Variants in LDLRAD3 observed in about 807,000 individuals in gnomAD.
LDLRAD3 encodes the protein low density lipoprotein receptor class A domain containing 3.
A neutral mutation model predicts 29.4 loss-of-function variants in LDLRAD3; 20 were observed. The ratio of observed to expected loss-of-function variants is 0.68; its 90% confidence interval spans 0.48 to 0.99. The LOEUF (loss-of-function observed/expected upper bound fraction) is 0.99, where lower values mean the gene tolerates loss of function less well. LDLRAD3 is among the 50% of genes least tolerant of loss of function. The pLI, the probability that LDLRAD3 is intolerant of heterozygous loss-of-function variation, is 0.00. For synonymous variants in LDLRAD3, 157 were observed against 192.7 expected (o/e 0.81, Z 1.53); for missense variants, 420 against 454.3 (o/e 0.92, Z 0.69).
intron 3 of LDLRAD3, 48 bp from the exon 4 acceptor site, chr11:36,098,279 G>A (rs1853393083): frequency 6.2e-7 from 1 of 1,610,120 alleles, no homozygotes; most frequent in Admixed American, 1.7e-5. Context: ...GGGTCCCCAA[G>A]GGAACTTGCT....
chr11:36,210,150 A>T (rs182209491), intron 4 of LDLRAD3, among the ~76,000 whole-genome samples: 225 of 152,332 alleles, frequency 1.5e-3, no homozygotes, highest in Middle Eastern at 3.4e-3. Context: ...GCCCCATAAC[A>T]GTGGCTCAGA....
intron 1 of LDLRAD3, among the ~76,000 whole-genome samples, chr11:36,003,983 A>C (rs1288842235): frequency 6.6e-6 from 1 of 152,158 alleles, no homozygotes; most frequent in East Asian, 1.9e-4. Flanking sequence ...CAAAGGGGAA[A>C]TCTGCCCCAT....
At chr11:36,110,100 G>A (rs1853585758) in intron 4 of LDLRAD3, 1 of 152,194 alleles carries the variant, frequency 6.6e-6, no homozygotes, top group South Asian at 2.1e-4. Flanking sequence ...TACAGGTGGG[G>A]TTTTCTTCTT....
At position 36,229,348 on chromosome 11, in the gene LDLRAD3, C is replaced by G; in HGVS notation, c.989C>G (p.Thr330Ser). The G allele has an allele frequency of 3.1e-6, 5 of 1,614,062 alleles. No individual in the cohort carries two copies. The highest frequency in any genetic ancestry group is 1.1e-5 in the South Asian group (1 of 91,068). ...GGGCAGCCTGGCCCCCAGGAGGGCACTGCTGAGCCCAGGGACTCTGAGCCC... is the reference window on the plus strand; with the variant it reads ...GGGCAGCCTGGCCCCCAGGAGGGCAGTGCTGAGCCCAGGGACTCTGAGCCC... The part of the protein sequence containing the change: ...SPGQPGPQEG[T>S]AEPRDSEPSQ... The change falls in exon 6 of 6, where the codon ACT becomes AGT. Residue 330 changes from threonine to serine, a missense_variant. This residue lies in a region of LDLRAD3 where 140 missense variants were observed against 139.9 expected (regional missense o/e 1.00). Transcript: ENST00000315571.
intron 1 of LDLRAD3, among the ~76,000 whole-genome samples, chr11:35,971,753 C>T (rs1390323174): frequency 1.3e-5 from 2 of 151,980 alleles, no homozygotes; most frequent in Non-Finnish European, 2.9e-5. Context: ...GATAGGGGAG[C>T]AATATTGTGG....
chr11:35,996,925 C>T (rs943444418), intron 1 of LDLRAD3, among the ~76,000 whole-genome samples: 1 of 152,188 alleles, frequency 6.6e-6, no homozygotes, highest in African/African-American at 2.4e-5. Context: ...TGGACTCCTC[C>T]ATGCAGCTTT....
chr11:36,052,496 G>A (rs113314672), intron 2 of LDLRAD3, among the ~76,000 whole-genome samples: 2,697 of 152,260 alleles, frequency 0.018, 71 homozygotes, highest in African/African-American at 0.061. Flanking sequence ...TGGAAGGTGG[G>A]ATAATGATAA....
chr11:36,039,487 A>G (rs1852353342), intron 2 of LDLRAD3, among the ~76,000 whole-genome samples: 1 of 152,190 alleles, frequency 6.6e-6, no homozygotes, highest in South Asian at 2.1e-4. Context: ...TGGGGGTAAT[A>G]AGGCTTCTGA....
At chr11:36,007,145 T>C (rs1372652268) in intron 1 of LDLRAD3, among the ~76,000 whole-genome samples, 11 of 152,198 alleles carry the variant, frequency 7.2e-5, no homozygotes, top group African/African-American at 2.7e-4. Flanking sequence ...CTTCATGGAT[T>C]ACTCTGAGTT....
chr11:36,144,863 GC>G (rs1854153582), intron 4 of LDLRAD3, among the ~76,000 whole-genome samples: 1 of 105,916 alleles, frequency 9.4e-6, no homozygotes, highest in Non-Finnish European at 2.1e-5. Context: ...GGGGGGGTCA[GC>G]CCCCCGCCCG....
chr11:36,061,978 TAA>T (rs571129020), intron 2 of LDLRAD3, among the ~76,000 whole-genome samples: 7 of 143,956 alleles, frequency 4.9e-5, no homozygotes, highest in Admixed American at 2.1e-4. Context: ...TTTGGGAACT[TAA>T]AAAAAAAAAA....
chr11:36,108,319 CAAAAAAAAAAAA>C (rs60376519), intron 4 of LDLRAD3, among the ~76,000 whole-genome samples: 3 of 48,978 alleles, frequency 6.1e-5, no homozygotes, highest in African/African-American at 1.6e-4. Flanking sequence ...GACTCCATCT[CAAAAAAAAAAAA>C]AAAAAAAAAA....
intron 4 of LDLRAD3, among the ~76,000 whole-genome samples, chr11:36,136,698 CTTT>C (rs112022135): frequency 7.0e-6 from 1 of 143,526 alleles, no homozygotes. Flanking sequence ...AACTAATCCT[CTTT>C]TTTTTTTTTT....
intron 3 of LDLRAD3, among the ~76,000 whole-genome samples, chr11:36,096,609 G>T (rs938641451): frequency 1.3e-5 from 2 of 152,212 alleles, no homozygotes; most frequent in African/African-American, 4.8e-5. Context: ...GTCAGACTGG[G>T]CACTGTACAT....
At chr11:36,071,738 C>G (rs1447403199) in intron 2 of LDLRAD3, among the ~76,000 whole-genome samples, 1 of 152,162 alleles carries the variant, frequency 6.6e-6, no homozygotes, top group Admixed American at 6.5e-5. Context: ...ATTGGAGATA[C>G]ACAGTGAACA....
At chr11:36,059,967 A>G (rs1396018278) in intron 2 of LDLRAD3, among the ~76,000 whole-genome samples, 1 of 152,222 alleles carries the variant, frequency 6.6e-6, no homozygotes, top group Non-Finnish European at 1.5e-5. Context: ...TAAAAAGTCT[A>G]AGTGCTTTAC....
intron 1 of LDLRAD3, among the ~76,000 whole-genome samples, chr11:35,970,426 C>T (rs1288879532): frequency 6.6e-6 from 1 of 152,158 alleles, no homozygotes; most frequent in Non-Finnish European, 1.5e-5. Context: ...GGATTGCCAG[C>T]AACCTCCAGA....
rs139532551 is a variant in LDLRAD3, at chr11:36,004,656, G to A, written c.47-31447G>A. 1.3e-4 allele frequency among the ~76,000 whole-genome samples: 20 copies of A among 152,298 alleles called. No individual in the cohort carries two copies. The East Asian group carries it at 3.9e-3, about 29-fold the overall frequency. ...TGCCCCAGTGGTTACTGCGTATAGG[G>A]GCTCCAACCCCACATTTCCCGTCTA... On this transcript the variant is annotated intron_variant, in intron 1 of 5. Transcript: ENST00000315571.
At position 35,944,687 on chromosome 11, in the gene LDLRAD3, G is replaced by C. The variant is rs1331728598; in HGVS notation, c.46+543G>C. ...TTTCATTCCTCTCTGGGACTGTTTG[G>C]TTTGGGTAAAGTGAGTTGAAGCAAG... On this transcript the variant is annotated intron_variant, in intron 1 of 5. Coordinates refer to ENST00000315571, the MANE Select transcript of LDLRAD3 (RefSeq NM_174902.4). The surrounding 1 kb of genome is among the most constrained non-coding windows in gnomAD (Gnocchi z 4.9). Among the ~76,000 whole-genome samples, 2 of 152,156 alleles carry C rather than the reference G, an allele frequency of 1.3e-5. No homozygotes were observed. Among genetic ancestry groups the C allele is most frequent in the African/African-American group, 4.8e-5 (2 of 41,446 alleles).
Sources: gnomAD v4.1 joint callset for allele counts (sites outside exome capture counted in the v4.1 genomes callset) on GRCh38, gnomAD v4.1.1 for gene constraint, gnomAD v4.1.1 regional missense constraint, Gnocchi (gnomAD v3.1) non-coding constraint, MANE v1.5 for transcripts, NCBI Gene and HGNC (gene_info 2026-07-23, HGNC 2026-07-21) for gene names.